The following RIPOR2 variants were observed in gnomAD, a reference collection of about 807,000 sequenced individuals.
RIPOR2 encodes RHO family interacting cell polarization regulator 2.
Under a neutral mutation model 114.5 loss-of-function variants are expected in RIPOR2, and 39 were observed. The observed-to-expected ratio is 0.34, with a 90% CI of 0.26 to 0.44. The LOEUF is 0.44. Among genes scored for constraint, RIPOR2 ranks in the 20% least tolerant of loss-of-function variants. RIPOR2 has a pLI of 1.00. For synonymous variants in RIPOR2, 445 were observed against 484.4 expected (o/e 0.92, Z 1.07); for missense variants, 1,007 against 1,255.1 (o/e 0.80, Z 2.99).
chr6:24,998,391 C>A (rs920747632), intron 1 of RIPOR2, among the ~76,000 whole-genome samples: 1 of 152,136 alleles, frequency 6.6e-6, no homozygotes, highest in East Asian at 1.9e-4. Context: ...TTCTCATTTA[C>A]AAGGATTTTA....
rs751260479 is a variant in RIPOR2, at chr6:24,858,059, TC to T, written c.715+2913del. 1.8e-4 allele frequency among the ~76,000 whole-genome samples: 28 copies of T among 152,204 alleles called. No homozygotes were observed. The highest frequency in any genetic ancestry group is 3.5e-4 in the Non-Finnish European group (24 of 68,040). ...ACTGGGATGCCTTCCTCTTTCCTGC[TC>T]CTCTCCCCAACTAGAGAGGTGAGTG... On this transcript the variant is annotated intron_variant, in intron 8 of 21. Transcript: ENST00000643898. The surrounding 1 kb of genome is among the most constrained non-coding windows in gnomAD (Gnocchi z 4.0).
chr6:24,820,869 C>CT (rs34770819), intron 19 of RIPOR2, among the ~76,000 whole-genome samples: 2,179 of 83,974 alleles, frequency 0.026, 149 homozygotes, highest in African/African-American at 0.07. Flanking sequence ...GTTTAACACT[C>CT]TTTTTTTTTT....
chr6:24,852,717 C>T, intron 8 of RIPOR2, 99 bp from the exon 9 acceptor site: 3 of 916,266 alleles, frequency 3.3e-6, no homozygotes, highest in Non-Finnish European at 4.8e-6. Context: ...AGTGTCAGAA[C>T]TTTGTGCAAA....
At chr6:24,806,946 T>C (rs543288275) in intron 21 of RIPOR2, among the ~76,000 whole-genome samples, 1 of 152,348 alleles carries the variant, frequency 6.6e-6, no homozygotes, top group South Asian at 2.1e-4. Flanking sequence ...TTTTACTATG[T>C]AAACATACAG....
chr6:24,884,489 T>G (rs1289582735), intron 1 of RIPOR2, among the ~76,000 whole-genome samples: 1 of 152,174 alleles, frequency 6.6e-6, no homozygotes, highest in Non-Finnish European at 1.5e-5. Flanking sequence ...CAACATTGTT[T>G]GCTAACCCAG....
intron 1 of RIPOR2, among the ~76,000 whole-genome samples, chr6:24,991,958 C>T (rs1412758131): frequency 2.0e-5 from 3 of 152,114 alleles, no homozygotes; most frequent in Non-Finnish European, 2.9e-5. Flanking sequence ...GAGTTCACCA[C>T]GTGGACTCAG....
chr6:24,903,698 G>A (rs1561754593), intron 1 of RIPOR2, among the ~76,000 whole-genome samples: 1 of 152,122 alleles, frequency 6.6e-6, no homozygotes, highest in African/African-American at 2.4e-5. Context: ...ATTACATCAA[G>A]ATAAATGGGG....
intron 1 of RIPOR2, among the ~76,000 whole-genome samples, chr6:24,947,508 GA>G (rs1435574925): frequency 6.6e-6 from 1 of 152,164 alleles, no homozygotes; most frequent in African/African-American, 2.4e-5. Flanking sequence ...CAGAATAAAA[GA>G]AAAGAAAACG....
At position 24,950,840 on chromosome 6, in the gene RIPOR2, AT is replaced by A. The variant is rs1772712983; in HGVS notation, c.77-75024del. On this transcript the variant is annotated intron_variant, in intron 1 of 13. Transcript: ENST00000510784. ...CATAGGGTTTGCTGCTTTAGTGCTG[AT>A]TTCTCAAATCTTTTATTTTCTCTGC... Among the ~76,000 whole-genome samples, 3 of 152,176 alleles carry A rather than the reference AT, an allele frequency of 2.0e-5. No individual in the cohort carries two copies. In the South Asian group the frequency reaches 6.2e-4, roughly 31 times the overall value.
At position 24,817,744 on chromosome 6, in the gene RIPOR2, C is replaced by G. The variant is rs1424052930; in HGVS notation, c.2952+798G>C. On this transcript the variant is annotated intron_variant, in intron 20 of 21. Transcript: ENST00000643898. ...GTTCCGTTTAGTACTTGTTTACATT[C>G]TAGCTCTCTCCCTGCTCACGACACC... Among the ~76,000 whole-genome samples, 4 of 152,086 alleles carry G rather than the reference C, an allele frequency of 2.6e-5. 1 individual carries two copies. Among genetic ancestry groups the G allele is most frequent in the Non-Finnish European group, 5.9e-5 (4 of 68,026 alleles).
At chr6:24,865,137 A>G (rs543131046) in intron 7 of RIPOR2, among the ~76,000 whole-genome samples, 164 bp downstream of exon 7, 1 of 152,262 alleles carries the variant, frequency 6.6e-6, no homozygotes, top group South Asian at 2.1e-4. Context: ...AAGCAATTCT[A>G]CCGATTGCCT....
intron 13 of RIPOR2, chr6:24,840,779 G>A (rs1292103777): frequency 6.5e-7 from 1 of 1,535,154 alleles, no homozygotes; most frequent in African/African-American, 1.4e-5. Flanking sequence ...TAGCATCCTA[G>A]GAATGTGAAG....
chr6:24,807,465 C>T (rs557721614), intron 21 of RIPOR2, among the ~76,000 whole-genome samples: 2 of 152,242 alleles, frequency 1.3e-5, no homozygotes, highest in South Asian at 2.1e-4. Context: ...GAGAGAGACT[C>T]CATGTTTAAG....
At chr6:24,953,258 G>A (rs1346914457) in intron 1 of RIPOR2, among the ~76,000 whole-genome samples, 2 of 152,164 alleles carry the variant, frequency 1.3e-5, no homozygotes, top group South Asian at 2.1e-4. Context: ...TCTTGAACCC[G>A]GGAGGCAGAG....
chr6:24,887,069 T>C (rs752505379), intron 1 of RIPOR2, among the ~76,000 whole-genome samples: 10 of 152,238 alleles, frequency 6.6e-5, no homozygotes, highest in Non-Finnish European at 4.4e-5. Flanking sequence ...TCCACTACTA[T>C]AATTTGATGC....
chr6:24,845,534 A>T (rs1231068448), intron 12 of RIPOR2, among the ~76,000 whole-genome samples: 1 of 152,066 alleles, frequency 6.6e-6, no homozygotes, highest in African/African-American at 2.4e-5. Flanking sequence ...GGTAGTCAGG[A>T]TTCTTATTCA....
chr6:24,839,659 C>A, intron 13 of RIPOR2: 4 of 1,535,184 alleles, frequency 2.6e-6, no homozygotes, highest in Non-Finnish European at 3.5e-6. Flanking sequence ...AAAACAAAAC[C>A]ATGTCAACCA....
chr6:24,925,815 C>T (rs1053070048), intron 1 of RIPOR2, among the ~76,000 whole-genome samples: 3 of 152,244 alleles, frequency 2.0e-5, no homozygotes, highest in Admixed American at 1.3e-4. Context: ...GAGTGGCACT[C>T]AATAAATATT....
At chr6:24,838,881 T>C in intron 14 of RIPOR2, among the ~76,000 whole-genome samples, 1 of 152,162 alleles carries the variant, frequency 6.6e-6, no homozygotes, top group East Asian at 1.9e-4. Flanking sequence ...ATAAAGATAT[T>C]TATTTTCCCT....
Sources: allele counts gnomAD v4.1 joint callset (sites outside exome capture counted in the v4.1 genomes callset), GRCh38; gene constraint gnomAD v4.1.1; non-coding constraint Gnocchi (gnomAD v3.1); transcripts MANE v1.5; gene names NCBI Gene and HGNC (gene_info 2026-07-23, HGNC 2026-07-21).